The following SH3PXD2B variants were observed in gnomAD, a reference collection of about 807,000 sequenced individuals.
SH3PXD2B encodes SH3 and PX domains 2B, also known as SH3 and PX domain-containing protein 2B.
SH3PXD2B carries 37 observed loss-of-function variants against 73.1 expected under a neutral mutation model. The observed-to-expected ratio is 0.51, with a 90% CI of 0.39 to 0.67. The LOEUF (loss-of-function observed/expected upper bound fraction) is 0.67. SH3PXD2B is among the 30% of genes least tolerant of loss of function. The pLI is 0.00. For synonymous variants in SH3PXD2B, 457 were observed against 480.5 expected (o/e 0.95, Z 0.64); for missense variants, 1,053 against 1,197.8 (o/e 0.88, Z 1.78).
At chr5:172,359,213 C>T (rs941677568) in intron 7 of SH3PXD2B, among the ~76,000 whole-genome samples, 1 of 151,680 alleles carries the variant, frequency 6.6e-6, no homozygotes, top group Non-Finnish European at 1.5e-5. Context: ...ATGACAAAAC[C>T]CTGTCTGTAC....
intron 9 of SH3PXD2B, among the ~76,000 whole-genome samples, chr5:172,352,302 G>A (rs911636953): frequency 1.3e-5 from 2 of 152,104 alleles, no homozygotes; most frequent in Non-Finnish European, 2.9e-5. Context: ...ATAGCTCATC[G>A]CAGCCTCAAA....
intron 11 of SH3PXD2B, among the ~76,000 whole-genome samples, chr5:172,346,692 T>G (rs1757005178): frequency 6.6e-6 from 1 of 152,090 alleles, no homozygotes; most frequent in African/African-American, 2.4e-5. Flanking sequence ...CTGGTGGGGT[T>G]GCTTCAAGTA....
rs567028536 is a variant in SH3PXD2B at position 172,418,860 on chromosome 5, G to A, written c.156+3556C>T. On this transcript the variant is annotated intron_variant, in intron 2 of 12. Transcript: ENST00000311601. ...AGCATGGAGGAAAACCTTAAGTTCTGGTAGAAATAAGAAAGTTGAGTCGGA... is the reference window on the plus strand; with the variant it reads ...AGCATGGAGGAAAACCTTAAGTTCTAGTAGAAATAAGAAAGTTGAGTCGGA... Among the ~76,000 whole-genome samples the A allele has an allele frequency of 1.4e-3, 216 of 152,240 alleles. 1 individual carries two copies. The highest frequency in any genetic ancestry group is 5.0e-3 in the African/African-American group (208 of 41,512).
In SH3PXD2B at chr5:172,335,847, G is replaced by A; in HGVS notation, c.*2522C>T. On this transcript the variant is annotated 3_prime_UTR_variant, in exon 13 of 13. Coordinates refer to ENST00000311601, the MANE Select transcript of SH3PXD2B (RefSeq NM_001017995.3). ...TGGATACAGACGTCCTCAGGCCATAGATATGACTCAAGGAGAGAACAGTGA... is the reference window on the plus strand; with the variant it reads ...TGGATACAGACGTCCTCAGGCCATAAATATGACTCAAGGAGAGAACAGTGA... 8.1e-7 allele frequency: 1 copy of A among 1,227,502 alleles called. No individual in the cohort carries two copies. The highest frequency in any genetic ancestry group is 1.0e-6 in the Non-Finnish European group (1 of 985,926). 76.0% of individuals were successfully genotyped at this position (1,227,502 alleles called of 1,614,324 possible).
At chr5:172,403,368 T>C (rs1350339933) in intron 3 of SH3PXD2B, among the ~76,000 whole-genome samples, 1 of 152,192 alleles carries the variant, frequency 6.6e-6, no homozygotes, top group Non-Finnish European at 1.5e-5. Flanking sequence ...GGCAGAAAAC[T>C]GACCCCTAGG....
intron 4 of SH3PXD2B, among the ~76,000 whole-genome samples, chr5:172,387,141 A>G (rs1267146933): frequency 6.6e-6 from 1 of 152,222 alleles, no homozygotes; most frequent in Non-Finnish European, 1.5e-5. Flanking sequence ...CCTGGTAAAT[A>G]CTACTGTTAT....
intron 7 of SH3PXD2B, 95 bp downstream of exon 7, chr5:172,362,640 G>A: frequency 6.4e-7 from 1 of 1,560,586 alleles, no homozygotes; most frequent in African/African-American, 1.4e-5. Context: ...TGGCCAGTCT[G>A]GACTGGCCAT....
Position 172,338,925 on chromosome 5 carries a change from C to G in SH3PXD2B, c.2180G>C (p.Arg727Thr), listed in dbSNP as rs778124912. ...GGTCTTGGCTGGCCTCGGAGGGGCT[C>G]TGCAGGAAATCTCTTTTGGGCTGAG... ...DGLSPKEISC[R>T]APPRPAKTTD... The change falls in exon 13 of 13, where the codon AGA becomes ACA. Residue 727 changes from arginine (R) to threonine (T), a missense_variant. This residue lies in a region of SH3PXD2B where 587 missense variants were observed against 590.7 expected (regional missense o/e 0.99). Transcript: ENST00000311601. This position sits in a 1 kb window ranked among gnomAD's most constrained non-coding sequence, Gnocchi z 5.1. The G allele has an allele frequency of 4.3e-6, 7 of 1,614,012 alleles. No individual in the cohort carries two copies. The Admixed American group carries it at 6.7e-5, about 15-fold the overall frequency.
chr5:172,442,306 C>T (rs544814534), intron 1 of SH3PXD2B, among the ~76,000 whole-genome samples: 1 of 152,282 alleles, frequency 6.6e-6, no homozygotes, highest in South Asian at 2.1e-4. Flanking sequence ...TTCTCAGACC[C>T]TTTTCCTATG....
intron 6 of SH3PXD2B, among the ~76,000 whole-genome samples, chr5:172,366,227 T>A (rs1442034115): frequency 1.3e-5 from 2 of 152,124 alleles, no homozygotes; most frequent in Non-Finnish European, 2.9e-5. Context: ...GGCTTCACCA[T>A]GTCCTCATGG....
chr5:172,385,569 G>A (rs1410743710), intron 4 of SH3PXD2B, among the ~76,000 whole-genome samples: 4 of 152,340 alleles, frequency 2.6e-5, no homozygotes, highest in South Asian at 2.1e-4. Flanking sequence ...GCAACAGCCC[G>A]GAGCTGGCCA....
rs1756758431 is a variant in SH3PXD2B, at chr5:172,338,539, C to A, written c.2566G>T (p.Val856Leu). 1 of 1,614,086 alleles carries A rather than the reference C, an allele frequency of 6.2e-7. No individual in the cohort carries two copies. Among genetic ancestry groups the A allele is most frequent in the African/African-American group, 1.3e-5 (1 of 74,944 alleles). Residue 856 changes from valine to leucine, a missense_variant, in exon 13 of 13, where the codon GTG becomes TTG. Transcript: ENST00000311601. This position sits in a 1 kb window ranked among gnomAD's most constrained non-coding sequence, Gnocchi z 5.1. ...TCTCCTTCAAAGTCGGCCACGGCCA[C>A]ATACAAAGAGTCCTTCAGGCCGTCG... ...NADGLKDSLY[V>L]AVADFEGDKD...
rs543920533 is a variant in SH3PXD2B, at chr5:172,336,021, C to T, written c.*2348G>A. 2.5e-5 allele frequency: 25 copies of T among 1,003,658 alleles called. No homozygotes were observed. In the South Asian group the frequency reaches 1.0e-3, roughly 41 times the overall value. 62.2% of individuals were successfully genotyped at this position (1,003,658 alleles called of 1,614,324 possible). A position where few individuals can be genotyped will look rare whatever the true frequency, so the allele number is the denominator to read the frequency against. The stretch of plus-strand genomic sequence containing the variant: ...AAGTCTGCTCCTACCCAGCTGACCC[C>T]CGGGAGGAAGGAATGAAGCAAGAGA... On this transcript the variant is annotated 3_prime_UTR_variant, in exon 13 of 13. Coordinates refer to ENST00000311601, the MANE Select transcript of SH3PXD2B (RefSeq NM_001017995.3).
intron 7 of SH3PXD2B, among the ~76,000 whole-genome samples, chr5:172,361,804 G>A (rs928329313): frequency 1.3e-5 from 2 of 152,164 alleles, no homozygotes; most frequent in South Asian, 2.1e-4. Flanking sequence ...GCTGGCTGGC[G>A]CTGGTCTCGT....
intron 2 of SH3PXD2B, among the ~76,000 whole-genome samples, chr5:172,418,004 C>T (rs967506467): frequency 3.3e-5 from 5 of 152,170 alleles, no homozygotes; most frequent in Non-Finnish European, 7.3e-5. Context: ...TATGAATCTG[C>T]CTCTTTTGGA....
chr5:172,349,133 G>A (rs1757096317), intron 10 of SH3PXD2B, among the ~76,000 whole-genome samples: 1 of 152,218 alleles, frequency 6.6e-6, no homozygotes, highest in Non-Finnish European at 1.5e-5. Context: ...CAAACTCGGG[G>A]ATGGCCAGAA....
chr5:172,393,860 C>T lies in SH3PXD2B; in HGVS notation c.309+703G>A, dbSNP rs1282884034. ...GTTCAAGGGACAGGAAGCTGCTGCA[C>T]CATCAAACAACAGGGATTGGCTAAA... On this transcript the variant is annotated intron_variant, in intron 4 of 12. Transcript: ENST00000311601. 9.2e-5 allele frequency among the ~76,000 whole-genome samples: 14 copies of T among 152,232 alleles called. No individual in the cohort carries two copies. In the South Asian group the frequency reaches 2.9e-3, roughly 32 times the overall value.
At chr5:172,325,459 CTGTT>C (rs1344265635) in intron 12 of SH3PXD2B, 5 of 935,476 alleles carry the variant, frequency 5.3e-6, no homozygotes, top group African/African-American at 1.6e-5. Flanking sequence ...GGGACTTTGT[CTGTT>C]TGTCTATAAC....
At chr5:172,367,405 T>C (rs962955477) in intron 6 of SH3PXD2B, among the ~76,000 whole-genome samples, 24 of 137,898 alleles carry the variant, frequency 1.7e-4, no homozygotes, top group African/African-American at 6.1e-4. Flanking sequence ...TTTTTTTTTT[T>C]CAAATAGATT....
Sources: gnomAD v4.1 joint callset for allele counts (sites outside exome capture counted in the v4.1 genomes callset) on GRCh38, gnomAD v4.1.1 for gene constraint, gnomAD v4.1.1 regional missense constraint, Gnocchi (gnomAD v3.1) non-coding constraint, MANE v1.5 for transcripts, NCBI Gene and HGNC (gene_info 2026-07-23, HGNC 2026-07-21) for gene names.